Variants in SLC9A9 observed in about 807,000 individuals in gnomAD.
SLC9A9 encodes solute carrier family 9 member A9.
Under a neutral mutation model 77.8 loss-of-function variants are expected in SLC9A9, and 62 were observed. The ratio of observed to expected loss-of-function variants is 0.80; its 90% CI spans 0.65 to 0.98. The LOEUF (loss-of-function observed/expected upper bound fraction) is 0.98. Ranked by LOEUF, SLC9A9 falls within the 50% of genes least tolerant of loss-of-function variation. The probability of loss-of-function intolerance (pLI) is 0.00; values close to 1 mark genes in which losing one functional copy is unlikely to be tolerated. For synonymous variants in SLC9A9, 320 were observed against 283.5 expected (o/e 1.13, Z -1.29); for missense variants, 775 against 774.9 (o/e 1.00, Z 0.00).
At chr3:143,524,299 G>A (rs968442641) in intron 9 of SLC9A9, among the ~76,000 whole-genome samples, 5 of 152,044 alleles carry the variant, frequency 3.3e-5, no homozygotes, top group African/African-American at 1.2e-4. Flanking sequence ...AGAGGAGAGG[G>A]ATAGAGGCTG....
At chr3:143,323,734 C>T (rs367797942) in intron 14 of SLC9A9, among the ~76,000 whole-genome samples, 26 of 152,188 alleles carry the variant, frequency 1.7e-4, no homozygotes, top group African/African-American at 5.3e-4. Context: ...CTGACTTGAT[C>T]GGTACACATT....
intron 2 of SLC9A9, among the ~76,000 whole-genome samples, chr3:143,819,459 G>A (rs1476178138): frequency 6.6e-6 from 1 of 152,204 alleles, no homozygotes; most frequent in Non-Finnish European, 1.5e-5. Context: ...CTTGGAGTCA[G>A]AAGCCCTGGT....
intron 5 of SLC9A9, among the ~76,000 whole-genome samples, chr3:143,682,279 T>C (rs1253742416): frequency 2.0e-5 from 3 of 152,188 alleles, no homozygotes; most frequent in Non-Finnish European, 2.9e-5. Flanking sequence ...GATTGTAATG[T>C]TAAGTTTTGA....
chr3:143,369,819 T>C (rs1277462718), intron 13 of SLC9A9, among the ~76,000 whole-genome samples: 2 of 152,212 alleles, frequency 1.3e-5, no homozygotes, highest in Non-Finnish European at 2.9e-5. Flanking sequence ...CTTTCTTTTT[T>C]GCTGTCTCTC....
At chr3:143,741,720 T>C (rs1005118805) in intron 4 of SLC9A9, among the ~76,000 whole-genome samples, 1 of 152,138 alleles carries the variant, frequency 6.6e-6, no homozygotes, top group African/African-American at 2.4e-5. Flanking sequence ...TAGTCTTTGA[T>C]ATGATGTGAT....
intron 13 of SLC9A9, among the ~76,000 whole-genome samples, chr3:143,370,565 G>GCACACACA (rs1400523794): frequency 3.1e-4 from 12 of 38,382 alleles, no homozygotes; most frequent in African/African-American, 5.9e-4. Flanking sequence ...ATGCATGTGC[G>GCACACACA]CGCACACACA....
intron 6 of SLC9A9, among the ~76,000 whole-genome samples, chr3:143,650,127 G>T (rs2038772685): frequency 6.6e-6 from 1 of 152,190 alleles, no homozygotes; most frequent in Non-Finnish European, 1.5e-5. Flanking sequence ...GGAGGAGTGA[G>T]CTTTGTTCAA....
At chr3:143,780,440 T>C (rs541219520) in intron 4 of SLC9A9, among the ~76,000 whole-genome samples, 2 of 152,162 alleles carry the variant, frequency 1.3e-5, no homozygotes, top group Non-Finnish European at 2.9e-5. Context: ...TCACTGTCAA[T>C]TGGGGATTGA....
At chr3:143,488,425 T>C (rs915520870) in intron 11 of SLC9A9, among the ~76,000 whole-genome samples, 1 of 151,958 alleles carries the variant, frequency 6.6e-6, no homozygotes, top group African/African-American at 2.4e-5. Flanking sequence ...TACTCTGATA[T>C]CAAAGTCAGA....
chr3:143,290,898 A>T (rs1054734002), intron 14 of SLC9A9, among the ~76,000 whole-genome samples: 1 of 152,158 alleles, frequency 6.6e-6, no homozygotes. Context: ...ATTTTGCCTG[A>T]CACCTCTATG....
chr3:143,541,840 G>C (rs983874233), intron 9 of SLC9A9, among the ~76,000 whole-genome samples: 1 of 152,216 alleles, frequency 6.6e-6, no homozygotes, highest in Admixed American at 6.5e-5. Flanking sequence ...GGGTGAGAGA[G>C]TAGGACAGAT....
At chr3:143,465,048 C>T (rs1374395502) in intron 12 of SLC9A9, among the ~76,000 whole-genome samples, 1 of 152,238 alleles carries the variant, frequency 6.6e-6, no homozygotes, top group Non-Finnish European at 1.5e-5. Flanking sequence ...TCCCTAAACA[C>T]ATCACAGTCC....
chr3:143,811,177 G>A (rs2008854925), intron 2 of SLC9A9, among the ~76,000 whole-genome samples: 1 of 152,086 alleles, frequency 6.6e-6, no homozygotes, highest in South Asian at 2.1e-4. Flanking sequence ...GCAGATATAT[G>A]AAAAAGTGAA....
At chr3:143,786,285 T>C (rs1399671068) in intron 4 of SLC9A9, among the ~76,000 whole-genome samples, 1 of 152,236 alleles carries the variant, frequency 6.6e-6, no homozygotes, top group Admixed American at 6.5e-5. Flanking sequence ...ACATTTTTCT[T>C]ATGTTATTAG....
intron 5 of SLC9A9, among the ~76,000 whole-genome samples, chr3:143,669,473 G>A (rs537607770): frequency 6.6e-6 from 1 of 152,270 alleles, no homozygotes; most frequent in South Asian, 2.1e-4. Context: ...GTATGTTCTC[G>A]AAATTTCATC....
intron 12 of SLC9A9, among the ~76,000 whole-genome samples, chr3:143,427,358 T>C (rs975034307): frequency 6.6e-6 from 1 of 152,202 alleles, no homozygotes; most frequent in Non-Finnish European, 1.5e-5. Context: ...CATATAGATA[T>C]AAATATTCAA....
chr3:143,703,920 C>T (rs528869532), intron 4 of SLC9A9, among the ~76,000 whole-genome samples: 31 of 152,156 alleles, frequency 2.0e-4, no homozygotes, highest in Admixed American at 5.9e-4. Context: ...GATCATTAGT[C>T]GCTACCCTGA....
chr3:143,633,943 T>C (rs1036379398), intron 6 of SLC9A9, among the ~76,000 whole-genome samples: 1 of 152,158 alleles, frequency 6.6e-6, no homozygotes, highest in East Asian at 1.9e-4. Context: ...CCCCACACTA[T>C]CTATTAAAAC....
chr3:143,507,113 C>T (rs1005289580), intron 9 of SLC9A9, among the ~76,000 whole-genome samples: 10 of 95,724 alleles, frequency 1.0e-4, no homozygotes, highest in Non-Finnish European at 2.4e-4. Flanking sequence ...ATTTTAGGTT[C>T]ATAGCAAAAT....
Sources: allele counts gnomAD v4.1 joint callset (sites outside exome capture counted in the v4.1 genomes callset), GRCh38; gene constraint gnomAD v4.1.1; transcripts MANE v1.5; gene names NCBI Gene and HGNC (gene_info 2026-07-23, HGNC 2026-07-21).